SEMA3G: variants seen among roughly 807,000 people sequenced by gnomAD.
SEMA3G encodes semaphorin-3G.
A neutral mutation model predicts 86.2 loss-of-function variants in SEMA3G; 70 were observed. That is an observed-to-expected ratio of 0.81 (90% CI 0.67 to 0.99). The LOEUF (loss-of-function observed/expected upper bound fraction) is 0.99. SEMA3G is among the 50% of genes least tolerant of loss of function. The pLI, the probability that SEMA3G is intolerant of heterozygous loss-of-function variation, is 0.00. For synonymous variants in SEMA3G, 416 were observed against 441.4 expected (o/e 0.94, Z 0.72); for missense variants, 1,002 against 1,072.4 (o/e 0.93, Z 0.92).
intron 10 of SEMA3G, 107 bp downstream of exon 10, chr3:52,440,270 A>G: frequency 7.6e-7 from 1 of 1,319,090 alleles, no homozygotes; most frequent in Non-Finnish European, 1.0e-6. Context: ...GGCTTGGCCA[A>G]CGTCCGCTGC....
At position 52,440,936 on chromosome 3, in the gene SEMA3G, A is replaced by G. The variant is rs1706141310; in HGVS notation, c.926T>C (p.Leu309Pro). ...GGCCTGCTTGGCCAGGCCCTCACCT[A>G]GCTGGTCAAAGTGGGTCTCGGCACC... Reference protein sequence around the residue: ...PGGAETHFDQLEDVFLLWPKA... With the variant: ...PGGAETHFDQPEDVFLLWPKA... Residue 309 changes from leucine to proline, a missense_variant and splice_region_variant, in exon 8 of 16, where the codon CTA becomes CCA. Physicochemically the swap from Leu to Pro is moderately conservative, Grantham distance 98. Coordinates refer to ENST00000231721, the MANE Select transcript of SEMA3G (RefSeq NM_020163.3). The G allele has an allele frequency of 1.2e-6, 2 of 1,603,728 alleles. No individual in the cohort carries two copies. The highest frequency in any genetic ancestry group is 1.7e-6 in the Non-Finnish European group (2 of 1,176,110).
Position 52,439,533 on chromosome 3 carries a change from T to C in SEMA3G, c.1467+147A>G, listed in dbSNP as rs1706106284. ...TGCGGGGTGGAGGGGGGGCATCTCTTTCTGCATCCCCTCCCCAGCATCCTG... is the reference window on the plus strand; with the variant it reads ...TGCGGGGTGGAGGGGGGGCATCTCTCTCTGCATCCCCTCCCCAGCATCCTG... On this transcript the variant is annotated intron_variant, in intron 12 of 15. Coordinates refer to ENST00000231721, the MANE Select transcript of SEMA3G (RefSeq NM_020163.3). 3 of 662,650 alleles carry C rather than the reference T, an allele frequency of 4.5e-6. No homozygotes were observed. In the African/African-American group the frequency reaches 5.4e-5, roughly 12 times the overall value. 41.0% of individuals were successfully genotyped at this position (662,650 alleles called of 1,614,324 possible).
rs1355685655 is a variant in SEMA3G, at chr3:52,441,380, G to A, written c.697C>T (p.Pro233Ser). 1.9e-6 allele frequency: 3 copies of A among 1,613,866 alleles called. No individual in the cohort carries two copies. The Admixed American group carries it at 5.0e-5, about 27-fold the overall frequency. Residue 233 changes from proline to serine, a missense_variant, in exon 7 of 16, where the codon CCT becomes TCT. Pro to Ser is a moderately conservative substitution (Grantham distance 74). Transcript: ENST00000231721. ...DPRFVMAARI[P>S]ENSDQDNDKV... Reference sequence around the variant, plus strand: ...TCATTGTCCTGGTCAGAGTTCTCAGGGATCCGGGCGGCCATCACAAACCGG... The same window carrying A: ...TCATTGTCCTGGTCAGAGTTCTCAGAGATCCGGGCGGCCATCACAAACCGG...
chr3:52,443,121 C>T (rs1387124724), intron 1 of SEMA3G: 1 of 1,326,178 alleles, frequency 7.5e-7, no homozygotes, highest in Non-Finnish European at 1.0e-6. Context: ...GCCCAGCCTA[C>T]CCTGGGGCCT....
chr3:52,435,529 T>A lies in SEMA3G; in HGVS notation c.*74A>T. On this transcript the variant is annotated 3_prime_UTR_variant, in exon 16 of 16. Coordinates refer to ENST00000231721, the MANE Select transcript of SEMA3G (RefSeq NM_020163.3). ...GACATCCTGACCCCTCTGCCCTAGC[T>A]GGGTGGGTGGGAGATGCTGGGGGCT... The A allele has an allele frequency of 7.0e-7, 1 of 1,430,924 alleles. No individual in the cohort carries two copies. The highest frequency in any genetic ancestry group is 2.3e-5 in the East Asian group (1 of 43,794). 88.6% of individuals were successfully genotyped at this position (1,430,924 alleles called of 1,614,324 possible).
intron 14 of SEMA3G, 104 bp from the exon 15 acceptor site, chr3:52,437,770 C>T: frequency 2.9e-6 from 4 of 1,364,280 alleles, no homozygotes; most frequent in Non-Finnish European, 4.0e-6. Flanking sequence ...ATGACAAGAA[C>T]TTAGGCATGC....
chr3:52,442,836 G>C lies in SEMA3G; in HGVS notation c.187C>G (p.Leu63Val). Residue 63 changes from leucine (L) to valine (V), a missense_variant, in exon 2 of 16, where the codon CTA becomes GTA. Transcript: ENST00000231721. This position sits in a 1 kb window ranked among gnomAD's most constrained non-coding sequence, Gnocchi z 6.1. ...AAGAGGCGGTCTCGGTACTCATCTA[G>C]GTACATGGCCTGGAGGTTCAGGGAG... ...QGSLNLQAMY[L>V]DEYRDRLFLG... The C allele has an allele frequency of 1.2e-6, 2 of 1,612,842 alleles. No homozygotes were observed. The highest frequency in any genetic ancestry group is 8.5e-7 in the Non-Finnish European group (1 of 1,179,522).
In SEMA3G at chr3:52,437,624, G is replaced by A. The variant is rs766803435; in HGVS notation, c.1781C>T (p.Thr594Met). The A allele has an allele frequency of 3.0e-5, 48 of 1,612,866 alleles. No individual in the cohort carries two copies. Among genetic ancestry groups the A allele is most frequent in the Non-Finnish European group, 3.6e-5 (42 of 1,179,896 alleles). The change falls in exon 15 of 16, where the codon ACG becomes ATG. Residue 594 changes from threonine to methionine, a missense_variant. Transcript: ENST00000231721. ...GLVAATMVYG[T>M]EHNSTFLECL... ...CTCCAGGAAGGTGCTATTGTGCTCC[G>A]TGCCGTAGACCATGGTGGCTGCCAC...
In SEMA3G at chr3:52,439,851, G is replaced by A; in HGVS notation, c.1375+16C>T. On this transcript the variant is annotated intron_variant, in intron 11 of 15. Coordinates refer to ENST00000231721, the MANE Select transcript of SEMA3G (RefSeq NM_020163.3). The stretch of plus-strand genomic sequence containing the variant: ...CACCCCTCTCCAGCCTGGCCACCCT[G>A]GCTCAGCTGTCCTACCAGTCCCCAG... 3.7e-6 allele frequency: 6 copies of A among 1,612,062 alleles called. 1 individual carries two copies. In the South Asian group the frequency reaches 6.6e-5, roughly 18 times the overall value.
intron 12 of SEMA3G, 144 bp from the exon 13 acceptor site, chr3:52,439,105 C>T: frequency 1.2e-6 from 1 of 842,194 alleles, no homozygotes; most frequent in Admixed American, 2.4e-5. Flanking sequence ...TAAGGCTAGA[C>T]AGTCTTTCCC....
In SEMA3G at chr3:52,438,134, G is replaced by A. The variant is rs781626144; in HGVS notation, c.1575C>T (p.Tyr525=). 44 of 1,613,230 alleles carry A rather than the reference G, an allele frequency of 2.7e-5. No individual in the cohort carries two copies. The highest frequency in any genetic ancestry group is 6.7e-5 in the African/African-American group (5 of 75,076). ...GGCAGCACTCTGCACAGGCAGTGCC[G>A]TAAGTCTCACATTGGTGCAGCCGCA... The part of the protein sequence containing the change: ...AQLRLHQCET[Y]GTACAECCLA... Residue 525 remains tyrosine, a synonymous_variant, in exon 14 of 16, where the codon TAC becomes TAT. Transcript: ENST00000231721.
Position 52,435,696 on chromosome 3 carries a change from GC to G in SEMA3G, c.2255del (p.Gly752AlafsTer9), listed in dbSNP as rs1231690280. On this transcript the variant is annotated frameshift_variant, in exon 16 of 16. Coordinates refer to ENST00000231721, the MANE Select transcript of SEMA3G (RefSeq NM_020163.3). LOFTEE classifies it high-confidence loss of function. The part of the protein sequence containing the change: ...RSRSRGKQAR[G>X]KSWAGLELGK... ...CTAGCTCCAGCCCTGCCCAGCTCTT[GC>G]CCCTGGCCTGCTTGCCCCGGCTCCG... The G allele has an allele frequency of 6.2e-7, 1 of 1,613,978 alleles. No individual in the cohort carries two copies. Among genetic ancestry groups the G allele is most frequent in the African/African-American group, 1.3e-5 (1 of 75,050 alleles).
Position 52,435,168 on chromosome 3 carries a change from C to G in SEMA3G, c.*435G>C, listed in dbSNP as rs985190804. 17 of 175,588 alleles carry G rather than the reference C, an allele frequency of 9.7e-5. No individual in the cohort carries two copies. Among genetic ancestry groups the G allele is most frequent in the Non-Finnish European group, 1.8e-4 (15 of 82,410 alleles). The allele number at this position is 175,588 out of a possible 1,614,324, so 10.9% of individuals were successfully genotyped here. A position where few individuals can be genotyped will look rare whatever the true frequency, so the allele number is the denominator to read the frequency against. ...GTGCTAGCTTAGAGGCCATTTCCACCCTCTGGCTCCCTGCAGGCCCCCTAC... is the reference window on the plus strand; with the variant it reads ...GTGCTAGCTTAGAGGCCATTTCCACGCTCTGGCTCCCTGCAGGCCCCCTAC... On this transcript the variant is annotated 3_prime_UTR_variant, in exon 16 of 16. Coordinates refer to ENST00000231721, the MANE Select transcript of SEMA3G (RefSeq NM_020163.3).
intron 14 of SEMA3G, 51 bp from the exon 15 acceptor site, chr3:52,437,717 C>A: frequency 6.3e-7 from 1 of 1,575,928 alleles, no homozygotes; most frequent in East Asian, 2.3e-5. Flanking sequence ...GACCCAGATC[C>A]CAGTGCCACC....
chr3:52,441,773 C>T, intron 5 of SEMA3G, 46 bp downstream of exon 5: 5 of 1,592,044 alleles, frequency 3.1e-6, no homozygotes, highest in Non-Finnish European at 4.3e-6. Flanking sequence ...TGACATAGGC[C>T]AGCTGCCACC....
Position 52,442,884 on chromosome 3 carries a change from C to T in SEMA3G, c.139G>A (p.Ala47Thr). The change falls in exon 2 of 16, where the codon GCC becomes ACC. Residue 47 changes from alanine (A) to threonine (T), a missense_variant. Transcript: ENST00000231721. The surrounding 1 kb of genome is among the most constrained non-coding windows in gnomAD (Gnocchi z 6.1). ...GAGCCCTGGGGGCCCAGAAAGATGGCAGAGCGGTTGGCAGACAGGAGGTCT... is the reference window on the plus strand; with the variant it reads ...GAGCCCTGGGGGCCCAGAAAGATGGTAGAGCGGTTGGCAGACAGGAGGTCT... ...YRDLLSANRS[A>T]IFLGPQGSLN... is the part of the protein sequence containing the mutation. The T allele has an allele frequency of 6.2e-7, 1 of 1,604,062 alleles. No homozygotes were observed. Among genetic ancestry groups the T allele is most frequent in the Non-Finnish European group, 8.5e-7 (1 of 1,175,346 alleles).
intron 7 of SEMA3G, 101 bp from the exon 8 acceptor site, chr3:52,441,149 G>C (rs1185169363): frequency 1.3e-6 from 2 of 1,493,272 alleles, no homozygotes; most frequent in African/African-American, 2.8e-5. Context: ...ATGCATGTCA[G>C]CTTTGCATCC....
In SEMA3G at chr3:52,440,488, G is replaced by A. The variant is rs1339218476; in HGVS notation, c.1032C>T (p.Tyr344=). The A allele has an allele frequency of 1.2e-6, 2 of 1,611,882 alleles. No individual in the cohort carries two copies. Among genetic ancestry groups the A allele is most frequent in the South Asian group, 1.1e-5 (1 of 90,806 alleles). The part of the protein sequence containing the change: ...AVFQGFAVCV[Y]HMADIWEVFN... ...AAACCTCCCAGATGTCTGCCATGTG[G>A]TACACACAGACGGCGAAGCCCTGGA... Residue 344 remains tyrosine (Y), a synonymous_variant, in exon 10 of 16, where the codon TAC becomes TAT. Coordinates refer to ENST00000231721, the MANE Select transcript of SEMA3G (RefSeq NM_020163.3).
chr3:52,443,488 G>A (rs1706200759), intron 1 of SEMA3G, among the ~76,000 whole-genome samples: 1 of 152,178 alleles, frequency 6.6e-6, no homozygotes, highest in South Asian at 2.1e-4. Context: ...GCGGGGAGCT[G>A]TCTGGGGACA....
Sources: allele counts gnomAD v4.1 joint callset (sites outside exome capture counted in the v4.1 genomes callset), GRCh38; gene constraint gnomAD v4.1.1; non-coding constraint Gnocchi (gnomAD v3.1); transcripts MANE v1.5; gene names NCBI Gene and HGNC (gene_info 2026-07-23, HGNC 2026-07-21).